The following NRG1 variants were observed in gnomAD, a reference collection of about 807,000 sequenced individuals.
NRG1 encodes neuregulin 1.
In NRG1, 18 loss-of-function variants were observed where a neutral mutation model predicts 63.8. The ratio of observed to expected loss-of-function variants is 0.28; its 90% CI spans 0.19 to 0.42. NRG1 has a LOEUF of 0.42. Among genes scored for constraint, NRG1 ranks in the 10% least tolerant of loss-of-function variants. The pLI, the probability that NRG1 is intolerant of heterozygous loss-of-function variation, is 1.00. For synonymous variants in NRG1, 302 were observed against 301.3 expected, an observed-to-expected ratio of 1.00 and a Z score of -0.02; for missense variants, 762 against 814.7, an observed-to-expected ratio of 0.94 and a Z score of 0.79.
intron 1 of NRG1, chr8:32,063,160 G>A (rs1362703719): frequency 1.3e-5 from 2 of 152,054 alleles, no homozygotes; most frequent in African/African-American, 2.4e-5. Flanking sequence ...TGATTATCAA[G>A]CTTTAAATAT....
intron 9 of NRG1, among the ~76,000 whole-genome samples, chr8:32,756,843 G>A (rs1279987311): frequency 6.6e-6 from 1 of 152,232 alleles, no homozygotes; most frequent in African/African-American, 2.4e-5. Context: ...TTAATAGTAC[G>A]ATAATCAAAA....
At chr8:32,728,001 G>A (rs761237386) in exon 6 of NRG1, 1 of 1,614,098 alleles carries the variant, frequency 6.2e-7, no homozygotes, top group Middle Eastern at 1.7e-4. Flanking sequence ...GTGCGGAGAA[G>A]GAGAAAACTT....
At chr8:32,016,283 G>A (rs774529610) in intron 1 of NRG1, among the ~76,000 whole-genome samples, 91 of 151,726 alleles carry the variant, frequency 6.0e-4, no homozygotes, top group Non-Finnish European at 9.7e-4. Flanking sequence ...GGCTGTTCTC[G>A]AATTCCTCAC....
In NRG1 at chr8:31,741,532, G is replaced by A. The variant is rs117135488; in HGVS notation, c.37+102101G>A. On this transcript the variant is annotated intron_variant, in intron 1 of 10. Transcript: ENST00000519301. ...CATAAGGAACATCTAAAAGTCAATCGTAGTAAATAACATAAAAGCAAACTG... is the reference window on the plus strand; with the variant it reads ...CATAAGGAACATCTAAAAGTCAATCATAGTAAATAACATAAAAGCAAACTG... Among the ~76,000 whole-genome samples, 588 of 151,888 alleles carry A rather than the reference G, an allele frequency of 3.9e-3. 1 individual carries two copies. Among genetic ancestry groups the A allele is most frequent in the South Asian group, 0.019 (91 of 4,796 alleles).
At chr8:31,804,317 C>G (rs1822069858) in intron 1 of NRG1, among the ~76,000 whole-genome samples, 1 of 152,144 alleles carries the variant, frequency 6.6e-6, no homozygotes, top group African/African-American at 2.4e-5. Flanking sequence ...ATCCTTTGCT[C>G]TCTTGGCCTT....
chr8:31,733,797 C>G (rs1814363428), intron 1 of NRG1, among the ~76,000 whole-genome samples: 1 of 152,098 alleles, frequency 6.6e-6, no homozygotes, highest in Non-Finnish European at 1.5e-5. Flanking sequence ...CCTCTCTGCC[C>G]CCCCGCCCAC....
chr8:31,956,578 C>A (rs980473922), intron 1 of NRG1, among the ~76,000 whole-genome samples: 3 of 152,040 alleles, frequency 2.0e-5, no homozygotes, highest in African/African-American at 7.2e-5. Flanking sequence ...GAGCCGAGAT[C>A]GTGCCACTGC....
chr8:32,488,470 C>T (rs560805095), intron 1 of NRG1, among the ~76,000 whole-genome samples: 1 of 152,202 alleles, frequency 6.6e-6, no homozygotes, highest in African/African-American at 2.4e-5. Flanking sequence ...AAATACCCCC[C>T]AAAATAGCTG....
chr8:32,738,980 C>A (rs2129034546), intron 6 of NRG1, among the ~76,000 whole-genome samples: 1 of 152,278 alleles, frequency 6.6e-6, no homozygotes, highest in East Asian at 1.9e-4. Context: ...ACTGGTAATG[C>A]ATTCAGAAGA....
intron 1 of NRG1, among the ~76,000 whole-genome samples, chr8:32,130,847 A>T (rs1490537797): frequency 6.6e-6 from 1 of 151,958 alleles, no homozygotes; most frequent in Non-Finnish European, 1.5e-5. Context: ...AGTGCAGAAG[A>T]CTTTGAGGGA....
chr8:31,707,062 T>C (rs1811222912), intron 1 of NRG1, among the ~76,000 whole-genome samples: 3 of 152,202 alleles, frequency 2.0e-5, no homozygotes, highest in South Asian at 4.1e-4. Context: ...TTTTTCTAGT[T>C]CATTTTTCTT....
intron 1 of NRG1, among the ~76,000 whole-genome samples, chr8:32,324,225 TG>T (rs1283136836): frequency 2.0e-5 from 3 of 152,156 alleles, no homozygotes; most frequent in African/African-American, 7.2e-5. Context: ...GGTTTATGGA[TG>T]GGAAAACTCA....
intron 1 of NRG1, among the ~76,000 whole-genome samples, chr8:32,340,597 A>C (rs1349145206): frequency 2.0e-5 from 3 of 152,242 alleles, no homozygotes; most frequent in Non-Finnish European, 4.4e-5. Flanking sequence ...ACCAGCCAAC[A>C]AGCTCAACAC....
chr8:32,344,240 G>A (rs962890444), intron 1 of NRG1, among the ~76,000 whole-genome samples: 1 of 151,818 alleles, frequency 6.6e-6, no homozygotes, highest in Non-Finnish European at 1.5e-5. Flanking sequence ...TCGTTTATGT[G>A]CCTTTCTCAT....
intron 1 of NRG1, among the ~76,000 whole-genome samples, chr8:31,993,954 G>A (rs561855852): frequency 2.6e-5 from 4 of 152,060 alleles, no homozygotes; most frequent in African/African-American, 9.6e-5. Context: ...TAGAGTTAGA[G>A]TTCACACCAA....
chr8:32,401,871 C>T (rs549179827), intron 1 of NRG1, among the ~76,000 whole-genome samples: 13 of 152,094 alleles, frequency 8.5e-5, no homozygotes, highest in Non-Finnish European at 1.8e-4. Context: ...TGCATATGTA[C>T]CCCTGAACCT....
At chr8:31,871,873 A>C (rs1829516817) in intron 1 of NRG1, among the ~76,000 whole-genome samples, 1 of 152,196 alleles carries the variant, frequency 6.6e-6, no homozygotes. Context: ...GACAACTTTG[A>C]CAAAGTCTTT....
chr8:32,273,927 A>G (rs1464562297), intron 1 of NRG1, among the ~76,000 whole-genome samples: 2 of 152,216 alleles, frequency 1.3e-5, no homozygotes, highest in Non-Finnish European at 2.9e-5. Context: ...ATTAATAGTC[A>G]TAATTGATAG....
At chr8:32,074,112 TCAA>T (rs960225693) in intron 1 of NRG1, among the ~76,000 whole-genome samples, 52 of 152,324 alleles carry the variant, frequency 3.4e-4, no homozygotes, top group African/African-American at 1.1e-3. Flanking sequence ...CATAACTTTT[TCAA>T]GAGGTACTAT....
Sources: gnomAD v4.1 joint callset for allele counts (sites outside exome capture counted in the v4.1 genomes callset) on GRCh38, gnomAD v4.1.1 for gene constraint, MANE v1.5 for transcripts, NCBI Gene and HGNC (gene_info 2026-07-23, HGNC 2026-07-21) for gene names.